The following UNC13C variants were observed in gnomAD, a reference collection of about 807,000 sequenced individuals.
UNC13C encodes the protein protein unc-13 homolog C.
Under a neutral mutation model 245.4 loss-of-function variants are expected in UNC13C, and 174 were observed. That is an observed-to-expected ratio of 0.71 (90% CI 0.63 to 0.80). The LOEUF is 0.80. Among genes scored for constraint, UNC13C ranks in the 30% least tolerant of loss-of-function variants. The pLI is 0.00. For synonymous variants in UNC13C, 992 were observed against 895.1 expected (o/e 1.11, Z -1.93); for missense variants, 2,829 against 2,602.9 (o/e 1.09, Z -1.89).
At chr15:54,151,653 C>T (rs1208777327) in intron 4 of UNC13C, among the ~76,000 whole-genome samples, 2 of 152,168 alleles carry the variant, frequency 1.3e-5, no homozygotes, top group Non-Finnish European at 2.9e-5. Context: ...ATCTGCCACC[C>T]TGGGCCTCCC....
intron 16 of UNC13C, among the ~76,000 whole-genome samples, chr15:54,336,223 A>C (rs2038571223): frequency 1.3e-5 from 2 of 152,048 alleles, no homozygotes; most frequent in Non-Finnish European, 2.9e-5. Flanking sequence ...TAAAATGTGT[A>C]TACATTGCAG....
intron 4 of UNC13C, among the ~76,000 whole-genome samples, chr15:54,147,679 G>A (rs1041072189): frequency 6.8e-5 from 10 of 147,950 alleles, no homozygotes; most frequent in African/African-American, 1.2e-4. Flanking sequence ...AACTCCACTG[G>A]TTGAATTATA....
intron 4 of UNC13C, among the ~76,000 whole-genome samples, chr15:54,226,522 A>C (rs1322395601): frequency 1.3e-5 from 2 of 152,100 alleles, no homozygotes; most frequent in Non-Finnish European, 2.9e-5. Flanking sequence ...CTTCTGCTTG[A>C]GTATTGCTTA....
the UNC13C span, among the ~76,000 whole-genome samples, chr15:53,857,113 G>T: frequency 6.6e-6 from 1 of 151,958 alleles, no homozygotes; most frequent in South Asian, 2.1e-4. Flanking sequence ...GGCTATTTCT[G>T]TACCTAACTT....
At chr15:53,974,526 G>A (rs999402574), upstream of UNC13C, among the ~76,000 whole-genome samples, 1 of 152,200 alleles carries the variant, frequency 6.6e-6, no homozygotes, top group Non-Finnish European at 1.5e-5. Context: ...GAGTAAAATA[G>A]TAGTTAGCAT....
At position 54,143,024 on chromosome 15, in the gene UNC13C, G is replaced by T; in HGVS notation, c.2990G>T (p.Ser997Ile). 6.2e-7 allele frequency: 1 copy of T among 1,611,812 alleles called. No individual in the cohort carries two copies. Among genetic ancestry groups the T allele is most frequent in the Non-Finnish European group, 8.5e-7 (1 of 1,179,066 alleles). ...LEEKILAGDSSSVDEKARIVS... is the reference protein window; with the variant it reads ...LEEKILAGDSISVDEKARIVS... ...TTTCCTGATTCTCTTTCAGATAGCAGTTCTGTGGATGAAAAGGTTTTAAAT... is the reference window on the plus strand; with the variant it reads ...TTTCCTGATTCTCTTTCAGATAGCATTTCTGTGGATGAAAAGGTTTTAAAT... Residue 997 changes from serine (S) to isoleucine (I), a missense_variant, in exon 3 of 33, where the codon AGT becomes ATT. Ser to Ile is a moderately radical substitution (Grantham distance 142). Coordinates refer to ENST00000260323, the MANE Select transcript of UNC13C (RefSeq NM_001080534.3).
the UNC13C span, among the ~76,000 whole-genome samples, chr15:53,934,024 G>A: frequency 6.6e-6 from 1 of 152,182 alleles, no homozygotes. Flanking sequence ...ATGGCTTCTG[G>A]TGAGGCCTCA....
intron 28 of UNC13C, among the ~76,000 whole-genome samples, chr15:54,552,646 T>TA (rs1896848008): frequency 3.7e-5 from 3 of 80,238 alleles, no homozygotes; most frequent in Non-Finnish European, 6.0e-5. Context: ...TATAATATAA[T>TA]TATATAATTA....
chr15:54,524,919 C>G (rs1242847269), intron 24 of UNC13C, among the ~76,000 whole-genome samples: 1 of 152,110 alleles, frequency 6.6e-6, no homozygotes, highest in Non-Finnish European at 1.5e-5. Context: ...GAATTTCTCT[C>G]TGCTTGATAC....
At chr15:54,387,387 G>T (rs1490212245) in intron 17 of UNC13C, among the ~76,000 whole-genome samples, 1 of 152,100 alleles carries the variant, frequency 6.6e-6, no homozygotes, top group African/African-American at 2.4e-5. Flanking sequence ...GCATTGCCAT[G>T]GCATTTGTAA....
intron 18 of UNC13C, among the ~76,000 whole-genome samples, chr15:54,399,828 G>T (rs2040145845): frequency 6.6e-6 from 1 of 151,896 alleles, no homozygotes; most frequent in African/African-American, 2.4e-5. Context: ...TTTGATCAGG[G>T]ATTTGTCCTT....
chr15:54,203,528 GTA>G (rs372601490), intron 4 of UNC13C, among the ~76,000 whole-genome samples: 11,472 of 140,476 alleles, frequency 0.082, 655 homozygotes, highest in African/African-American at 0.16. Context: ...ACATATATAT[GTA>G]TATATATATA....
At chr15:53,853,219 A>G in the UNC13C span, among the ~76,000 whole-genome samples, 22 of 152,134 alleles carry the variant, frequency 1.4e-4, no homozygotes, top group African/African-American at 4.8e-4. Context: ...CTTCCCCACC[A>G]TGTGTCTATG....
chr15:54,108,139 G>A (rs1900544427), intron 2 of UNC13C, among the ~76,000 whole-genome samples: 1 of 152,128 alleles, frequency 6.6e-6, no homozygotes, highest in Non-Finnish European at 1.5e-5. Flanking sequence ...TAGAGATAAT[G>A]GTTGGATGAT....
In UNC13C at chr15:54,237,676, A is replaced by G; in HGVS notation, c.3214A>G (p.Asn1072Asp). Residue 1072 changes from asparagine (N) to aspartate (D), a missense_variant, in exon 7 of 33, where the codon AAT (asparagine) becomes GAT (aspartate). By Grantham distance (23) the Asn-to-Asp change is conservative. Coordinates refer to ENST00000260323, the MANE Select transcript of UNC13C (RefSeq NM_001080534.3). ...SLAMVIRTSL[N>D]NEELKMHVFK... is the part of the protein sequence containing the mutation. Reference sequence around the variant, plus strand: ...GGCTATGGTGATTAGGACATCCCTAAATAATGAGGAACTGGTAAGTACTAG... The same window carrying G: ...GGCTATGGTGATTAGGACATCCCTAGATAATGAGGAACTGGTAAGTACTAG... 1 of 1,611,156 alleles carries G rather than the reference A, an allele frequency of 6.2e-7. No individual in the cohort carries two copies. The highest frequency in any genetic ancestry group is 8.5e-7 in the Non-Finnish European group (1 of 1,178,690).
At chr15:53,960,824 C>T in the UNC13C span, among the ~76,000 whole-genome samples, 1 of 152,142 alleles carries the variant, frequency 6.6e-6, no homozygotes. Context: ...ACCCTCATCC[C>T]AACTATGCAC....
intron 4 of UNC13C, among the ~76,000 whole-genome samples, chr15:54,156,906 C>T (rs936957112): frequency 6.6e-6 from 1 of 151,634 alleles, no homozygotes; most frequent in African/African-American, 2.4e-5. Flanking sequence ...CTGAGGATGG[C>T]AATTCAGACT....
chr15:54,130,206 A>T (rs1484515023), intron 2 of UNC13C, among the ~76,000 whole-genome samples: 1 of 149,676 alleles, frequency 6.7e-6, no homozygotes, highest in East Asian at 2.0e-4. Flanking sequence ...TTGAATCACC[A>T]TTGTTGATTT....
intron 17 of UNC13C, among the ~76,000 whole-genome samples, chr15:54,363,641 A>T (rs2039288143): frequency 6.6e-6 from 1 of 152,198 alleles, no homozygotes; most frequent in African/African-American, 2.4e-5. Flanking sequence ...TGTTTATAAA[A>T]GTGTATCTGA....
Sources: allele counts gnomAD v4.1 joint callset (sites outside exome capture counted in the v4.1 genomes callset), GRCh38; gene constraint gnomAD v4.1.1; transcripts MANE v1.5; gene names NCBI Gene and HGNC (gene_info 2026-07-23, HGNC 2026-07-21).